The following PAN3 variants were observed in gnomAD, a reference collection of about 807,000 sequenced individuals.
PAN3 encodes the protein PAN2-PAN3 deadenylation complex subunit PAN3.
In PAN3, 19 loss-of-function variants were observed where a neutral mutation model predicts 96.2. That is an observed-to-expected ratio of 0.20 (90% CI 0.14 to 0.29). The LOEUF (loss-of-function observed/expected upper bound fraction) is 0.29, where lower values mean the gene tolerates loss of function less well. Ranked by LOEUF, PAN3 falls within the 10% of genes least tolerant of loss-of-function variation. PAN3 has a pLI of 1.00. For missense variants in PAN3, 882 were observed against 1,108.1 expected, an observed-to-expected ratio of 0.80 and a Z score of 2.90; for synonymous variants, 433 against 406.6, an observed-to-expected ratio of 1.06 and a Z score of -0.78.
intron 17 of PAN3, 21 bp from the exon 18 acceptor site, chr13:28,287,963 T>A: frequency 6.2e-7 from 1 of 1,600,174 alleles, no homozygotes; most frequent in Non-Finnish European, 8.5e-7. Flanking sequence ...GTTACTGAGG[T>A]AAAATGTTCA....
intron 6 of PAN3, among the ~76,000 whole-genome samples, chr13:28,247,713 G>A (rs548197629): frequency 9.9e-5 from 15 of 152,194 alleles, no homozygotes; most frequent in Middle Eastern, 3.4e-3. Flanking sequence ...TCTTGGCACC[G>A]TTATGGAAAA....
intron 6 of PAN3, among the ~76,000 whole-genome samples, chr13:28,229,826 C>A (rs770309548): frequency 6.6e-6 from 1 of 152,100 alleles, no homozygotes; most frequent in African/African-American, 2.4e-5. Context: ...TGGTTCCATC[C>A]CCAGAGTTTC....
At chr13:28,222,325 CT>C (rs143909186) in intron 6 of PAN3, among the ~76,000 whole-genome samples, 4,869 of 152,084 alleles carry the variant, frequency 0.032, 104 homozygotes, top group Non-Finnish European at 0.039. Context: ...ATTAAATTAG[CT>C]GAAAATCTAT....
At chr13:28,157,243 A>G (rs1593376089) in intron 1 of PAN3, among the ~76,000 whole-genome samples, 2 of 152,156 alleles carry the variant, frequency 1.3e-5, no homozygotes. Context: ...AATGAGAGCC[A>G]TGTATGACAA....
intron 14 of PAN3, among the ~76,000 whole-genome samples, chr13:28,276,016 ATATAATGC>A (rs745630959): frequency 2.6e-5 from 4 of 152,218 alleles, no homozygotes; most frequent in Non-Finnish European, 4.4e-5. Context: ...AAGTATAACC[ATATAATGC>A]TAGAATTTCA....
intron 12 of PAN3, 103 bp from the exon 13 acceptor site, chr13:28,270,598 G>A (rs1886532141): frequency 3.4e-6 from 4 of 1,163,376 alleles, no homozygotes. Flanking sequence ...GACATGTTGT[G>A]CCATGAGTGT....
intron 5 of PAN3, among the ~76,000 whole-genome samples, chr13:28,218,583 C>G (rs1017034878): frequency 6.6e-6 from 1 of 152,102 alleles, no homozygotes; most frequent in African/African-American, 2.4e-5. Flanking sequence ...AACTTCCACT[C>G]GTACATATTT....
At chr13:28,266,946 T>C (rs1192703751) in intron 10 of PAN3, 70 bp downstream of exon 10, 4 of 1,326,100 alleles carry the variant, frequency 3.0e-6, no homozygotes, top group Non-Finnish European at 4.0e-6. Context: ...CCTTCTTGAA[T>C]ATATTATTTA....
At chr13:28,282,091 A>G (rs1280727931) in intron 17 of PAN3, among the ~76,000 whole-genome samples, 1 of 152,122 alleles carries the variant, frequency 6.6e-6, no homozygotes, top group Non-Finnish European at 1.5e-5. Flanking sequence ...TATACTTTTT[A>G]TAGCCATCAT....
Position 28,292,510 on chromosome 13 carries a change from T to C in PAN3, c.2652T>C (p.Asn884=), listed in dbSNP as rs750655702. ...TTCAAGAACTGATTGCAGCTGCAAA[T>C]GGTCAGTTGTAGTATTTGCTAAAAA... ...NTFQELIAAA[N]GQL The change falls in exon 19 of 19, where the codon AAT becomes AAC. Residue 884 remains asparagine (N), a synonymous_variant. Transcript: ENST00000380958. 4 of 1,611,358 alleles carry C rather than the reference T, an allele frequency of 2.5e-6. No homozygotes were observed. Among genetic ancestry groups the C allele is most frequent in the Non-Finnish European group, 1.7e-6 (2 of 1,179,094 alleles).
chr13:28,256,679 GTC>G, intron 7 of PAN3, 140 bp downstream of exon 7: 1 of 912,360 alleles, frequency 1.1e-6, no homozygotes, highest in Non-Finnish European at 1.6e-6. Context: ...GAGAAGTCTA[GTC>G]TCTTCTTCTC....
chr13:28,138,513 G>C (rs1869081019), upstream of PAN3: 1 of 160,960 alleles, frequency 6.2e-6, no homozygotes, highest in Non-Finnish European at 1.3e-5. Context: ...CTTCTCCCCG[G>C]GCGGCTCCGG....
chr13:28,240,773 G>T (rs1883582995), intron 6 of PAN3, among the ~76,000 whole-genome samples: 1 of 152,172 alleles, frequency 6.6e-6, no homozygotes. Context: ...TTGAAAAAAT[G>T]AAATTATTTT....
intron 6 of PAN3, among the ~76,000 whole-genome samples, chr13:28,236,371 A>G (rs1346254622): frequency 1.3e-5 from 2 of 152,206 alleles, no homozygotes; most frequent in Admixed American, 1.3e-4. Flanking sequence ...AAAAACACAG[A>G]TTTGGAGCAT....
chr13:28,228,895 T>G (rs548999597), intron 6 of PAN3, among the ~76,000 whole-genome samples: 55 of 152,314 alleles, frequency 3.6e-4, no homozygotes, highest in African/African-American at 1.3e-3. Context: ...TGACATGGCT[T>G]AATATGACAA....
chr13:28,212,507 A>G (rs1302083117), intron 5 of PAN3, among the ~76,000 whole-genome samples: 1 of 152,228 alleles, frequency 6.6e-6, no homozygotes, highest in Admixed American at 6.5e-5. Context: ...CATAAAGAAA[A>G]GAAAATGTAA....
chr13:28,248,038 C>A (rs1402908042), intron 6 of PAN3, among the ~76,000 whole-genome samples: 1 of 152,058 alleles, frequency 6.6e-6, no homozygotes, highest in African/African-American at 2.4e-5. Context: ...ATTAATTCTT[C>A]CAATTCATGA....
chr13:28,235,722 C>CAT (rs1555285777), intron 6 of PAN3, among the ~76,000 whole-genome samples: 156 of 149,060 alleles, frequency 1.0e-3, no homozygotes, highest in East Asian at 9.0e-3. Context: ...CACACACACA[C>CAT]ATATATATAT....
intron 14 of PAN3, among the ~76,000 whole-genome samples, chr13:28,276,337 G>C (rs1436147744): frequency 6.6e-6 from 1 of 152,164 alleles, no homozygotes; most frequent in African/African-American, 2.4e-5. Flanking sequence ...ATCTGCAAAT[G>C]TCTGTTGTAG....
Sources: allele counts gnomAD v4.1 joint callset (sites outside exome capture counted in the v4.1 genomes callset), GRCh38; gene constraint gnomAD v4.1.1; transcripts MANE v1.5; gene names NCBI Gene and HGNC (gene_info 2026-07-23, HGNC 2026-07-21).